The following LMOD3 variants were observed in gnomAD, a reference collection of about 807,000 sequenced individuals.
LMOD3 encodes leiomodin-3.
Under a neutral mutation model 41.8 loss-of-function variants are expected in LMOD3, and 31 were observed. The observed-to-expected ratio is 0.74, with a 90% CI of 0.56 to 1.00. LMOD3 has a LOEUF of 1.00. LMOD3 is among the 50% of genes least tolerant of loss of function. The pLI, the probability that LMOD3 is intolerant of heterozygous loss-of-function variation, is 0.00. For missense variants in LMOD3, 755 were observed against 679.5 expected, an observed-to-expected ratio of 1.11 and a Z score of -1.23; for synonymous variants, 292 against 241.9, an observed-to-expected ratio of 1.21 and a Z score of -1.92.
chr3:69,107,409 G>C lies in LMOD3; in HGVS notation c.*1686C>G, dbSNP rs1366244696. ...ACATAAAAGGAGAAAGAAGGCAGGTGCCAATTATTTACTCAGGTAAAGAAG... is the reference window on the plus strand; with the variant it reads ...ACATAAAAGGAGAAAGAAGGCAGGTCCCAATTATTTACTCAGGTAAAGAAG... On this transcript the variant is annotated 3_prime_UTR_variant, in exon 3 of 3. Transcript: ENST00000420581. 2 of 135,792 alleles carry C rather than the reference G, an allele frequency of 1.5e-5. No individual in the cohort carries two copies. The highest frequency in any genetic ancestry group is 5.4e-5 in the African/African-American group (2 of 36,806). The allele number at this position is 135,792 out of a possible 1,614,324, so 8.4% of individuals were successfully genotyped here.
rs747673620 is a variant in LMOD3, at chr3:69,120,080, G to A, written c.295-20C>T. The stretch of plus-strand genomic sequence containing the variant: ...CTTTTCCTACAAGAGAGGTTTATGA[G>A]GGTTAGAATACATAGCAGAGAAGAA... On this transcript the variant is annotated intron_variant, in intron 1 of 2. Transcript: ENST00000420581. 2.5e-6 allele frequency: 4 copies of A among 1,569,660 alleles called. No homozygotes were observed. The highest frequency in any genetic ancestry group is 3.4e-6 in the Non-Finnish European group (4 of 1,166,684).
chr3:69,122,509 A>G lies in LMOD3; in HGVS notation c.-123T>C. 2 of 744,836 alleles carry G rather than the reference A, an allele frequency of 2.7e-6. No individual in the cohort carries two copies. Among genetic ancestry groups the G allele is most frequent in the Middle Eastern group, 3.9e-4 (1 of 2,548 alleles). The allele number at this position is 744,836 out of a possible 1,614,324, so 46.1% of individuals were successfully genotyped here. A position where few individuals can be genotyped will look rare whatever the true frequency, so the allele number is the denominator to read the frequency against. Reference sequence around the variant, plus strand: ...AGTGTCCCAAGTTAACACACCCTTGAGATATTTTTTTTTTTTTCCCAGGAA... The same window carrying G: ...AGTGTCCCAAGTTAACACACCCTTGGGATATTTTTTTTTTTTTCCCAGGAA... On this transcript the variant is annotated 5_prime_UTR_variant, in exon 1 of 3. Coordinates refer to ENST00000420581, the MANE Select transcript of LMOD3 (RefSeq NM_198271.5).
Position 69,117,447 on chromosome 3 carries a change from A to G in LMOD3, c.1656+1252T>C, listed in dbSNP as rs796732601. Among the ~76,000 whole-genome samples the G allele has an allele frequency of 2.7e-4, 41 of 152,350 alleles. 1 individual carries two copies. Among genetic ancestry groups the G allele is most frequent in the African/African-American group, 9.6e-4 (40 of 41,588 alleles). Reference sequence around the variant, plus strand: ...ATAATATACAGACTATTCTGCCAACATAATCTCGTGGCTATATTACAGGAG... The same window carrying G: ...ATAATATACAGACTATTCTGCCAACGTAATCTCGTGGCTATATTACAGGAG... On this transcript the variant is annotated intron_variant, in intron 2 of 2. Transcript: ENST00000420581.
At chr3:69,117,132 C>A (rs750775339) in intron 2 of LMOD3, among the ~76,000 whole-genome samples, 1 of 152,196 alleles carries the variant, frequency 6.6e-6, no homozygotes, top group Non-Finnish European at 1.5e-5. Context: ...TGATGTTGTG[C>A]CCAAGGGCAG....
At chr3:69,121,459 T>G (rs994622194) in intron 1 of LMOD3, among the ~76,000 whole-genome samples, 5 of 152,218 alleles carry the variant, frequency 3.3e-5, no homozygotes, top group Non-Finnish European at 7.3e-5. Context: ...ATTATGCTCA[T>G]GCACAGTAAG....
At chr3:69,110,849 A>ATATATAT (rs1460379089) in intron 2 of LMOD3, among the ~76,000 whole-genome samples, 3 of 124,746 alleles carry the variant, frequency 2.4e-5, no homozygotes, top group African/African-American at 1.1e-4. Flanking sequence ...AAAAAAAAAA[A>ATATATAT]AAAAATATAT....
chr3:69,109,248 C>T (rs538252419), intron 2 of LMOD3, 127 bp from the exon 3 acceptor site: 1 of 780,100 alleles, frequency 1.3e-6, no homozygotes, highest in South Asian at 1.6e-5. Flanking sequence ...GGCCAAAGCA[C>T]CTCCAAAATC....
Position 69,120,034 on chromosome 3 carries a change from T to C in LMOD3, c.321A>G (p.Glu107=), listed in dbSNP as rs754611563. 8 of 1,603,008 alleles carry C rather than the reference T, an allele frequency of 5.0e-6. No homozygotes were observed. Among genetic ancestry groups the C allele is most frequent in the African/African-American group, 4.1e-5 (3 of 74,052 alleles). Residue 107 remains glutamate (E), a synonymous_variant, in exon 2 of 3, where the codon GAA becomes GAG. Transcript: ENST00000420581. The part of the protein sequence containing the change: ...SEEKTQEEHE[E]IEKRNKNMAQ... ...CCATATTTTTATTACGTTTTTCTAT[T>C]TCTTCATGCTCTTCTTGAGTCTTTT...
intron 2 of LMOD3, among the ~76,000 whole-genome samples, chr3:69,114,187 G>T (rs2092361363): frequency 6.6e-6 from 1 of 152,264 alleles, no homozygotes; most frequent in East Asian, 1.9e-4. Context: ...TGCAAGTGCA[G>T]TGTGGCCAGA....
Position 69,109,590 on chromosome 3 carries a change from C to A in LMOD3, c.1657-469G>T, listed in dbSNP as rs192389737. On this transcript the variant is annotated intron_variant, in intron 2 of 2. Transcript: ENST00000420581. ...TCTTCCAGGCTGGAGTGCAGTGACACCATCTTGGCTCACTGCAACCTCCAA... is the reference window on the plus strand; with the variant it reads ...TCTTCCAGGCTGGAGTGCAGTGACAACATCTTGGCTCACTGCAACCTCCAA... Among the ~76,000 whole-genome samples, 304 of 141,802 alleles carry A rather than the reference C, an allele frequency of 2.1e-3. 1 individual carries two copies. Among genetic ancestry groups the A allele is most frequent in the African/African-American group, 7.9e-3 (294 of 37,086 alleles). The allele number at this position is 141,802 out of a possible 152,430, so 93.0% of individuals were successfully genotyped here. A position where few individuals can be genotyped will look rare whatever the true frequency, so the allele number is the denominator to read the frequency against.
rs2092394884 is a variant in LMOD3 at position 69,119,366 on chromosome 3, A to G, written c.989T>C (p.Ile330Thr). Residue 330 changes from isoleucine to threonine, a missense_variant, in exon 2 of 3, where the codon ATC becomes ACC. Ile to Thr is a moderately conservative substitution (Grantham distance 89). Coordinates refer to ENST00000420581, the MANE Select transcript of LMOD3 (RefSeq NM_198271.5). ...NFITGKGIVA[I>T]MRCLQFNETL... The stretch of plus-strand genomic sequence containing the variant: ...CTCATTAAACTGGAGACACCTCATG[A>G]TGGCCACAATCCCTTTACCTGTGAT... The G allele has an allele frequency of 1.2e-6, 2 of 1,613,844 alleles. No individual in the cohort carries two copies. The highest frequency in any genetic ancestry group is 2.2e-5 in the South Asian group (2 of 91,088).
Position 69,119,099 on chromosome 3 carries a change from A to G in LMOD3, c.1256T>C (p.Met419Thr), listed in dbSNP as rs2092392431. The G allele has an allele frequency of 3.1e-6, 5 of 1,613,712 alleles. No homozygotes were observed. The African/African-American group carries it at 6.7e-5, about 22-fold the overall frequency. ...GGGCAGCCCCAACCCATTCTCTAAC[A>G]TGGCTATCAGCTTCTTCTGTTCCTT... ...QLKEQKKLIA[M>T]LENGLGLPPG... Residue 419 changes from methionine to threonine, a missense_variant, in exon 2 of 3, where the codon ATG becomes ACG. By Grantham distance (81) the Met-to-Thr change is moderately conservative. Transcript: ENST00000420581.
intron 2 of LMOD3, among the ~76,000 whole-genome samples, chr3:69,115,356 A>T (rs2092366790): frequency 6.6e-6 from 1 of 151,880 alleles, no homozygotes; most frequent in Non-Finnish European, 1.5e-5. Flanking sequence ...GTGTGTGGTG[A>T]GTGCGGTCCC....
chr3:69,107,475 T>G lies in LMOD3; in HGVS notation c.*1620A>C, dbSNP rs1012466656. 6.2e-5 allele frequency: 7 copies of G among 112,258 alleles called. No individual in the cohort carries two copies. The East Asian group carries it at 7.1e-4, about 11-fold the overall frequency. 7.0% of individuals were successfully genotyped at this position (112,258 alleles called of 1,614,324 possible). A position where few individuals can be genotyped will look rare whatever the true frequency, so the allele number is the denominator to read the frequency against. ...AAGGTTTTTTTTTTTTTTTTTTTTT[T>G]TTTTTTTTTTTTTTTTTTTGAGATG... On this transcript the variant is annotated 3_prime_UTR_variant, in exon 3 of 3. Transcript: ENST00000420581.
chr3:69,119,085 A>G lies in LMOD3; in HGVS notation c.1270T>C (p.Leu424=), dbSNP rs72924884. ...TCCCACATCCCAGGGGGCAGCCCCA[A>G]CCCATTCTCTAACATGGCTATCAGC... The part of the protein sequence containing the change: ...KKLIAMLENG[L]GLPPGMWELL... Residue 424 remains leucine, a synonymous_variant, in exon 2 of 3, where the codon TTG becomes CTG. Coordinates refer to ENST00000420581, the MANE Select transcript of LMOD3 (RefSeq NM_198271.5). The G allele has an allele frequency of 0.027, 43,238 of 1,613,488 alleles. 827 individuals are homozygous for G. The highest frequency in any genetic ancestry group is 0.078 in the Admixed American group (4,688 of 59,950).
Position 69,119,369 on chromosome 3 carries a change from G to A in LMOD3, c.986C>T (p.Ala329Val). ...ATTAAACTGGAGACACCTCATGATG[G>A]CCACAATCCCTTTACCTGTGATGAA... is the stretch of plus-strand genomic sequence containing the variant. The part of the protein sequence containing the change: ...SNFITGKGIV[A>V]IMRCLQFNET... Residue 329 changes from alanine (A) to valine (V), a missense_variant, in exon 2 of 3, where the codon GCC becomes GTC. Physicochemically the swap from Ala to Val is moderately conservative, Grantham distance 64. Coordinates refer to ENST00000420581, the MANE Select transcript of LMOD3 (RefSeq NM_198271.5). 1 of 1,613,906 alleles carries A rather than the reference G, an allele frequency of 6.2e-7. No individual in the cohort carries two copies. The highest frequency in any genetic ancestry group is 8.5e-7 in the Non-Finnish European group (1 of 1,179,858).
At chr3:69,120,112 A>G in intron 1 of LMOD3, 52 bp from the exon 2 acceptor site, 1 of 1,516,852 alleles carries the variant, frequency 6.6e-7, no homozygotes, top group Non-Finnish European at 8.7e-7. Context: ...AGAAATATGA[A>G]GTGGAGCATC....
At position 69,110,838 on chromosome 3, in the gene LMOD3, C is replaced by CAAAAAA. The variant is rs774402446; in HGVS notation, c.1657-1723_1657-1718dup. ...AGCCTGGGCAACAGAGACACCATCT[C>CAAAAAA]AAAAAAAAAAAAAAAATATATATAT... On this transcript the variant is annotated intron_variant, in intron 2 of 2. Coordinates refer to ENST00000420581, the MANE Select transcript of LMOD3 (RefSeq NM_198271.5). Among the ~76,000 whole-genome samples the CAAAAAA allele has an allele frequency of 4.2e-3, 284 of 66,986 alleles. 1 individual carries two copies. Among genetic ancestry groups the CAAAAAA allele is most frequent in the Middle Eastern group, 0.029 (3 of 104 alleles). The allele number at this position is 66,986 out of a possible 152,430, so 43.9% of individuals were successfully genotyped here. A position where few individuals can be genotyped will look rare whatever the true frequency, so the allele number is the denominator to read the frequency against.
At chr3:69,113,059 T>C (rs2092356659) in intron 2 of LMOD3, among the ~76,000 whole-genome samples, 2 of 152,212 alleles carry the variant, frequency 1.3e-5, no homozygotes, top group African/African-American at 4.8e-5. Context: ...AAAGCTATGA[T>C]CTATGTTTGG....
Sources: gnomAD v4.1 joint callset for allele counts (sites outside exome capture counted in the v4.1 genomes callset) on GRCh38, gnomAD v4.1.1 for gene constraint, MANE v1.5 for transcripts, NCBI Gene and HGNC (gene_info 2026-07-23, HGNC 2026-07-21) for gene names.